COL28A1: variants seen among roughly 807,000 people sequenced by gnomAD.
COL28A1 encodes collagen type XXVIII alpha 1 chain.
COL28A1 carries 161 observed loss-of-function variants against 150.2 expected under a neutral mutation model. The observed-to-expected ratio is 1.07, with a 90% CI of 0.94 to 1.22. The LOEUF is 1.22. Among genes scored for constraint, COL28A1 ranks in the 50% most tolerant of loss-of-function variants. The pLI, the probability that COL28A1 is intolerant of heterozygous loss-of-function variation, is 0.00. For missense variants in COL28A1, 1,617 were observed against 1,388.3 expected, an observed-to-expected ratio of 1.16 and a Z score of -2.62; for synonymous variants, 552 against 469.7, an observed-to-expected ratio of 1.18 and a Z score of -2.26.
At chr7:7,530,546 G>C (rs2115252303) in intron 3 of COL28A1, among the ~76,000 whole-genome samples, 1 of 152,270 alleles carries the variant, frequency 6.6e-6, no homozygotes, top group East Asian at 1.9e-4. Flanking sequence ...AAGAAAATCA[G>C]TTTTTAACAC....
chr7:7,356,348 T>C (rs1284229491), downstream of COL28A1: 2 of 152,180 alleles, frequency 1.3e-5, no homozygotes, highest in East Asian at 1.9e-4. Flanking sequence ...GGGATATCCC[T>C]GGCATGGAAT....
At chr7:7,411,494 C>T (rs755654743) in intron 27 of COL28A1, among the ~76,000 whole-genome samples, 4 of 152,168 alleles carry the variant, frequency 2.6e-5, no homozygotes, top group Non-Finnish European at 5.9e-5. Flanking sequence ...AGGAGCCTAA[C>T]TGCTACTCCT....
At chr7:7,346,249 C>T in the COL28A1 span, among the ~76,000 whole-genome samples, 1 of 151,712 alleles carries the variant, frequency 6.6e-6, no homozygotes, top group Non-Finnish European at 1.5e-5. Flanking sequence ...TTTCAGAGAT[C>T]TTTTAAGAAA....
intron 27 of COL28A1, among the ~76,000 whole-genome samples, chr7:7,401,455 C>T (rs1346649915): frequency 1.3e-5 from 2 of 152,104 alleles, no homozygotes; most frequent in Non-Finnish European, 2.9e-5. Flanking sequence ...CTGTACATGC[C>T]CAAGTCTGAA....
Position 7,437,450 on chromosome 7 carries a change from T to C in COL28A1, c.1735A>G (p.Ile579Val). The stretch of plus-strand genomic sequence containing the variant: ...CCAGGCATTCCAAAAGGGCCCATAA[T>C]GCCCGGTTCACCCTTAAAAAGAGCA... ...GPEGPKGEPG[I>V]MGPFGMPGTS... The change falls in exon 22 of 35, where the codon ATT becomes GTT. Residue 579 changes from isoleucine to valine, a missense_variant. By Grantham distance (29) the Ile-to-Val change is conservative. Transcript: ENST00000399429. The C allele has an allele frequency of 6.2e-7, 1 of 1,613,694 alleles. No homozygotes were observed. Among genetic ancestry groups the C allele is most frequent in the Non-Finnish European group, 8.5e-7 (1 of 1,179,872 alleles).
At chr7:7,533,472 CT>C (rs1249094156) in intron 1 of COL28A1, among the ~76,000 whole-genome samples, 1 of 152,154 alleles carries the variant, frequency 6.6e-6, no homozygotes, top group Non-Finnish European at 1.5e-5. Context: ...CCCCATCTCT[CT>C]TTTCTACCCT....
Position 7,531,449 on chromosome 7 carries a change from C to A in COL28A1, c.580G>T (p.Val194Phe). 6.3e-7 allele frequency: 1 copy of A among 1,598,412 alleles called. No homozygotes were observed. The highest frequency in any genetic ancestry group is 8.6e-7 in the Non-Finnish European group (1 of 1,166,112). ...ATCAAACGAAGTTTGGCTTCATTGA[C>A]TACCGTAGAAAGTGCAATGGTGATA... is the stretch of plus-strand genomic sequence containing the variant. ...SFITIALSTVVNEAKLRLISG... is the reference protein window; with the variant it reads ...SFITIALSTVFNEAKLRLISG... Residue 194 changes from valine (V) to phenylalanine (F), a missense_variant, in exon 3 of 35, where the codon GTC (valine) becomes TTC (phenylalanine). By Grantham distance (50) the Val-to-Phe change is conservative (BLOSUM62 -1). Transcript: ENST00000399429.
intron 27 of COL28A1, among the ~76,000 whole-genome samples, chr7:7,410,596 A>G (rs1224054859): frequency 6.6e-6 from 1 of 151,350 alleles, no homozygotes; most frequent in Non-Finnish European, 1.5e-5. Flanking sequence ...GGTGTGTTCA[A>G]CTTGAATGCA....
chr7:7,448,673 T>C (rs1288687433), intron 18 of COL28A1, among the ~76,000 whole-genome samples: 17 of 151,556 alleles, frequency 1.1e-4, no homozygotes, highest in Admixed American at 1.1e-3. Flanking sequence ...AAAATTTTTA[T>C]TTATAATATT....
intron 20 of COL28A1, among the ~76,000 whole-genome samples, chr7:7,442,639 G>C (rs1175535473): frequency 2.0e-5 from 3 of 152,136 alleles, no homozygotes; most frequent in Non-Finnish European, 4.4e-5. Context: ...TACTATTTTA[G>C]TAGAATTATG....
At position 7,475,228 on chromosome 7, in the gene COL28A1, C is replaced by T. The variant is rs1034161045; in HGVS notation, c.1234-559G>A. Among the ~76,000 whole-genome samples, 13 of 151,962 alleles carry T rather than the reference C, an allele frequency of 8.6e-5. No homozygotes were observed. In the East Asian group the frequency reaches 1.3e-3, roughly 16 times the overall value. ...GTGAACAGCTCTGTCCTTAATATAACGTATATTGTCATAATACTTCATGCA... is the reference window on the plus strand; with the variant it reads ...GTGAACAGCTCTGTCCTTAATATAATGTATATTGTCATAATACTTCATGCA... On this transcript the variant is annotated intron_variant, in intron 14 of 34. Coordinates refer to ENST00000399429, the MANE Select transcript of COL28A1 (RefSeq NM_001037763.3).
chr7:7,425,533 C>G (rs1266932678), intron 25 of COL28A1, among the ~76,000 whole-genome samples: 3 of 152,294 alleles, frequency 2.0e-5, no homozygotes, highest in Non-Finnish European at 4.4e-5. Context: ...CGTTGCTAAT[C>G]CTTGGTTTTG....
rs143558928 is a variant in COL28A1 at position 7,464,255 on chromosome 7, G to A, written c.1303-8143C>T. On this transcript the variant is annotated intron_variant, in intron 15 of 34. Transcript: ENST00000399429. The stretch of plus-strand genomic sequence containing the variant: ...CACTGACAGCACTAGACAGGTCATC[G>A]AGACAGAACGTCAACAAAGAAATAA... Among the ~76,000 whole-genome samples, 709 of 152,178 alleles carry A rather than the reference G, an allele frequency of 4.7e-3. 5 individuals are homozygous for A. The highest frequency in any genetic ancestry group is 0.022 in the East Asian group (115 of 5,186).
In COL28A1 at chr7:7,503,030, G is replaced by A. The variant is rs187271560; in HGVS notation, c.1026+2984C>T. Among the ~76,000 whole-genome samples, 509 of 152,294 alleles carry A rather than the reference G, an allele frequency of 3.3e-3. 3 individuals carry two copies. The highest frequency in any genetic ancestry group is 0.011 in the African/African-American group (452 of 41,572). The stretch of plus-strand genomic sequence containing the variant: ...TTCAGATGAAGATTAAAACCCAGGA[G>A]AAATGCACCTTTCAACAAACTGTTG... On this transcript the variant is annotated intron_variant, in intron 11 of 34. Coordinates refer to ENST00000399429, the MANE Select transcript of COL28A1 (RefSeq NM_001037763.3).
At chr7:7,503,374 A>G (rs1232269237) in intron 11 of COL28A1, among the ~76,000 whole-genome samples, 1 of 152,244 alleles carries the variant, frequency 6.6e-6, no homozygotes, top group African/African-American at 2.4e-5. Context: ...TACATAATAA[A>G]TATACAATAA....
At chr7:7,478,724 C>T (rs549845298) in intron 13 of COL28A1, among the ~76,000 whole-genome samples, 17 of 152,364 alleles carry the variant, frequency 1.1e-4, no homozygotes, top group African/African-American at 3.4e-4. Context: ...AGAAATCGAG[C>T]GCACTGCCGG....
At chr7:7,495,510 C>A (rs1293884751) in intron 11 of COL28A1, among the ~76,000 whole-genome samples, 1 of 152,110 alleles carries the variant, frequency 6.6e-6, no homozygotes, top group Non-Finnish European at 1.5e-5. Context: ...AAATTGTCAT[C>A]TTTCACTCCC....
chr7:7,465,274 C>T (rs569642322), intron 15 of COL28A1, among the ~76,000 whole-genome samples: 1,450 of 2,936 alleles, frequency 0.49, 34 homozygotes, highest in African/African-American at 0.51. Flanking sequence ...CGAAGCAGGG[C>T]GAGCATTGCC....
At chr7:7,340,440 C>T in the COL28A1 span, among the ~76,000 whole-genome samples, 1 of 152,048 alleles carries the variant, frequency 6.6e-6, no homozygotes, top group African/African-American at 2.4e-5. Flanking sequence ...GATGTCTAAA[C>T]TTTCCAGCTC....
Sources: allele counts gnomAD v4.1 joint callset (sites outside exome capture counted in the v4.1 genomes callset), GRCh38; gene constraint gnomAD v4.1.1; transcripts MANE v1.5; gene names NCBI Gene and HGNC (gene_info 2026-07-23, HGNC 2026-07-21).